ARHGAP25: variants seen among roughly 807,000 people sequenced by gnomAD.
ARHGAP25 encodes the protein Rho GTPase activating protein 25, also known as rho GTPase-activating protein 25.
In ARHGAP25, 34 loss-of-function variants were observed where a neutral mutation model predicts 71.0. That is an observed-to-expected ratio of 0.48 (90% CI 0.36 to 0.64). The LOEUF (loss-of-function observed/expected upper bound fraction) is 0.64. Ranked by LOEUF, ARHGAP25 falls within the 30% of genes least tolerant of loss-of-function variation. The pLI is 0.00. For missense variants in ARHGAP25, 706 were observed against 805.1 expected, an observed-to-expected ratio of 0.88 and a Z score of 1.49; for synonymous variants, 282 against 296.5, an observed-to-expected ratio of 0.95 and a Z score of 0.50.
chr2:68,792,867 G>A (rs1432953484), intron 4 of ARHGAP25, among the ~76,000 whole-genome samples: 1 of 152,160 alleles, frequency 6.6e-6, no homozygotes, highest in Non-Finnish European at 1.5e-5. Flanking sequence ...TTCCATAGAG[G>A]TTGAGCTAAT....
chr2:68,818,791 A>G (rs1681418694), intron 8 of ARHGAP25, among the ~76,000 whole-genome samples: 1 of 152,272 alleles, frequency 6.6e-6, no homozygotes, highest in Admixed American at 6.5e-5. Context: ...ACCAGATATC[A>G]TATTGAGGAC....
intron 4 of ARHGAP25, among the ~76,000 whole-genome samples, chr2:68,797,005 A>T (rs1679596179): frequency 6.6e-6 from 1 of 152,194 alleles, no homozygotes; most frequent in East Asian, 1.9e-4. Context: ...TGCAGGTAAC[A>T]ACGAGCGGTG....
At chr2:68,740,996 C>T (rs72893970) in intron 1 of ARHGAP25, among the ~76,000 whole-genome samples, 2,796 of 152,306 alleles carry the variant, frequency 0.018, 73 homozygotes, top group African/African-American at 0.065. Context: ...TTAGCTTCTA[C>T]AAATGAGAGA....
intron 4 of ARHGAP25, among the ~76,000 whole-genome samples, chr2:68,795,235 C>CAA (rs1181608998): frequency 6.6e-6 from 1 of 151,664 alleles, no homozygotes; most frequent in Admixed American, 6.6e-5. Flanking sequence ...TTTTGTTGAT[C>CAA]CCTTGTATTG....
chr2:68,715,197 C>A (rs969057081), intron 2 of ARHGAP25, among the ~76,000 whole-genome samples: 1 of 152,162 alleles, frequency 6.6e-6, no homozygotes, highest in Non-Finnish European at 1.5e-5. Flanking sequence ...CAGTGGTTCT[C>A]GAACTGGAAT....
At chr2:68,807,615 C>A (rs564117231) in intron 5 of ARHGAP25, 135 bp downstream of exon 5, 7 of 886,854 alleles carry the variant, frequency 7.9e-6, no homozygotes, top group South Asian at 3.4e-5. Flanking sequence ...ACAGAAAGAG[C>A]CTTTGTTTCG....
intron 2 of ARHGAP25, among the ~76,000 whole-genome samples, chr2:68,725,632 A>G (rs1289120595): frequency 6.6e-6 from 1 of 152,096 alleles, no homozygotes; most frequent in African/African-American, 2.4e-5. Context: ...CAGCCTGATT[A>G]TTTAAAAGTA....
intron 2 of ARHGAP25, chr2:68,710,835 G>C (rs902225601): frequency 3.3e-5 from 5 of 152,178 alleles, no homozygotes; most frequent in Non-Finnish European, 5.9e-5. Flanking sequence ...CTAGGGGGCT[G>C]CCTGCTGCTT....
chr2:68,822,471 C>T lies in ARHGAP25; in HGVS notation c.1332C>T (p.Leu444=). Residue 444 remains leucine, a synonymous_variant, in exon 10 of 11, where the codon CTC becomes CTT. Transcript: ENST00000409202. ...KMQSRKRTQT[L]PNRKCFLTSA... ...AATCTCGTAAAAGGACTCAAACACT[C>T]CCTAACCGGAAATGTTTCTTGACAT... is the stretch of plus-strand genomic sequence containing the variant. 1.9e-6 allele frequency: 3 copies of T among 1,614,214 alleles called. No homozygotes were observed. The highest frequency in any genetic ancestry group is 2.5e-6 in the Non-Finnish European group (3 of 1,180,044).
At chr2:68,770,171 A>G (rs1215490947) in intron 1 of ARHGAP25, among the ~76,000 whole-genome samples, 1 of 152,112 alleles carries the variant, frequency 6.6e-6, no homozygotes, top group Non-Finnish European at 1.5e-5. Flanking sequence ...AGCCAGAGGA[A>G]TGGTAGAGGT....
chr2:68,800,084 A>G (rs1679859574), intron 4 of ARHGAP25, among the ~76,000 whole-genome samples: 1 of 152,104 alleles, frequency 6.6e-6, no homozygotes, highest in African/African-American at 2.4e-5. Flanking sequence ...CTTCCACTAG[A>G]AGACTCGTTT....
chr2:68,769,152 G>A (rs1351177026), intron 1 of ARHGAP25, among the ~76,000 whole-genome samples: 1 of 151,952 alleles, frequency 6.6e-6, no homozygotes. Flanking sequence ...TTTGCACCTG[G>A]AATATTGTGC....
rs1674747544 is a variant in ARHGAP25, at chr2:68,720,912, C to A, written c.-18+10214C>A. On this transcript the variant is annotated intron_variant and NMD_transcript_variant, in intron 2 of 7. Transcript: ENST00000463483. ...TCACCACCCTCAGCATGTCACCATG[C>A]AGTGCTTTGTGGACTGAAATCCATC... Among the ~76,000 whole-genome samples, 9 of 152,206 alleles carry A rather than the reference C, an allele frequency of 5.9e-5. 1 individual carries two copies. Among genetic ancestry groups the A allele is most frequent in the Admixed American group, 3.9e-4 (6 of 15,278 alleles).
intron 1 of ARHGAP25, among the ~76,000 whole-genome samples, chr2:68,738,013 G>A (rs1394520640): frequency 6.6e-6 from 1 of 152,162 alleles, no homozygotes; most frequent in African/African-American, 2.4e-5. Context: ...ATGCAGTGAT[G>A]AAGAAAAGTC....
chr2:68,733,980 A>C (rs1377256342), upstream of ARHGAP25, among the ~76,000 whole-genome samples: 1 of 152,252 alleles, frequency 6.6e-6, no homozygotes, highest in Non-Finnish European at 1.5e-5. Flanking sequence ...CCACAGCAGG[A>C]AAGCCAGGAT....
chr2:68,758,528 T>C (rs1490688325), intron 1 of ARHGAP25, among the ~76,000 whole-genome samples: 1 of 151,848 alleles, frequency 6.6e-6, no homozygotes, highest in Non-Finnish European at 1.5e-5. Context: ...ACATTATACA[T>C]TAATAGATTG....
At chr2:68,775,448 A>C in intron 2 of ARHGAP25, 28 bp downstream of exon 2, 1 of 1,613,844 alleles carries the variant, frequency 6.2e-7, no homozygotes. Flanking sequence ...TGTCCCGTTC[A>C]TAAGGCACGG....
intron 1 of ARHGAP25, among the ~76,000 whole-genome samples, chr2:68,736,850 C>T (rs1675247717): frequency 6.6e-6 from 1 of 152,042 alleles, no homozygotes; most frequent in African/African-American, 2.4e-5. Flanking sequence ...GACAAGCACC[C>T]CCCACTTTCA....
chr2:68,775,066 G>T lies in ARHGAP25; in HGVS notation c.62-155G>T, dbSNP rs575374718. The T allele has an allele frequency of 3.7e-5, 57 of 1,534,192 alleles. 1 individual carries two copies. In the Admixed American group the frequency reaches 5.8e-4, roughly 16 times the overall value. On this transcript the variant is annotated intron_variant, in intron 1 of 10. Coordinates refer to ENST00000409202, the MANE Select transcript of ARHGAP25 (RefSeq NM_001007231.3). ...TCGGCTGCTTCTCTGGCTCGGGGGG[G>T]ACTTTCTCTGGCTCAGATCCGGACC...
Sources: gnomAD v4.1 joint callset for allele counts (sites outside exome capture counted in the v4.1 genomes callset) on GRCh38, gnomAD v4.1.1 for gene constraint, MANE v1.5 for transcripts, NCBI Gene and HGNC (gene_info 2026-07-23, HGNC 2026-07-21) for gene names.